ZC3H18: variants seen among roughly 807,000 people sequenced by gnomAD.
ZC3H18 encodes the protein zinc finger CCCH-type containing 18.
Under a neutral mutation model 106.1 loss-of-function variants are expected in ZC3H18, and 8 were observed. That is an observed-to-expected ratio of 0.08 (90% CI 0.04 to 0.14). ZC3H18 has a LOEUF of 0.14. ZC3H18 is among the 10% of genes least tolerant of loss of function. The pLI, the probability that ZC3H18 is intolerant of heterozygous loss-of-function variation, is 1.00. For synonymous variants in ZC3H18, 635 were observed against 522.1 expected, an observed-to-expected ratio of 1.22 and a Z score of -2.95; for missense variants, 1,318 against 1,278.4, an observed-to-expected ratio of 1.03 and a Z score of -0.47.
Position 88,625,222 on chromosome 16 carries a change from G to A in ZC3H18, c.2063G>A (p.Gly688Asp), listed in dbSNP as rs193188287. 7 of 1,591,114 alleles carry A rather than the reference G, an allele frequency of 4.4e-6. No homozygotes were observed. In the South Asian group the frequency reaches 4.6e-5, roughly 10 times the overall value. Residue 688 changes from glycine to aspartate, a missense_variant, in exon 13 of 18, where the codon GGC becomes GAC. Physicochemically the swap from Gly to Asp is moderately conservative, Grantham distance 94. This residue lies in a region of ZC3H18 where 848 missense variants were observed against 821.7 expected (regional missense o/e 1.03). Transcript: ENST00000301011. The part of the protein sequence containing the change: ...PPRRRTLSGS[G>D]SGSGSSYSGS... ...TACAGGCGGACGCTAAGCGGCAGCGGCAGTGGCAGTGGTAGCAGCTATAGT... is the reference window on the plus strand; with the variant it reads ...TACAGGCGGACGCTAAGCGGCAGCGACAGTGGCAGTGGTAGCAGCTATAGT...
chr16:88,622,503 T>C, intron 9 of ZC3H18, 115 bp downstream of exon 9: 1 of 1,200,178 alleles, frequency 8.3e-7, no homozygotes, highest in Non-Finnish European at 1.1e-6. Flanking sequence ...TGCTGTGGCG[T>C]CGTTACCTGC....
At chr16:88,628,892 C>CCGAGGGAT in intron 16 of ZC3H18, 38 bp downstream of exon 16, 1 of 1,610,552 alleles carries the variant, frequency 6.2e-7, no homozygotes, top group Non-Finnish European at 8.5e-7. Flanking sequence ...GGCAGAGGGA[C>CCGAGGGAT]GGGAGCCTGG....
intron 1 of ZC3H18, chr16:88,571,587 A>G (rs1049715086): frequency 5.3e-5 from 52 of 984,968 alleles, no homozygotes; most frequent in Admixed American, 6.2e-5. Context: ...ATGTGTCCCA[A>G]AGCCGGAAAC....
At chr16:88,602,091 G>A (rs1254147663) in intron 6 of ZC3H18, among the ~76,000 whole-genome samples, 1 of 152,224 alleles carries the variant, frequency 6.6e-6, no homozygotes, top group Admixed American at 6.5e-5. Flanking sequence ...CAGATGTCCT[G>A]GTGCGTGCTG....
In ZC3H18 at chr16:88,598,893, C is replaced by G. The variant is rs144123766; in HGVS notation, c.930+181C>G. ...ATTTTTTTGGAGACAGAGTTTCACT[C>G]TTGTTGCCCAGGCTGGAGTGCAATG... On this transcript the variant is annotated intron_variant, in intron 5 of 17. Coordinates refer to ENST00000301011, the MANE Select transcript of ZC3H18 (RefSeq NM_144604.4). 7.8e-4 allele frequency among the ~76,000 whole-genome samples: 119 copies of G among 152,260 alleles called. 1 individual carries two copies. In the East Asian group the frequency reaches 0.022, roughly 28 times the overall value.
At chr16:88,573,054 G>C (rs1914512170) in intron 1 of ZC3H18, among the ~76,000 whole-genome samples, 1 of 152,084 alleles carries the variant, frequency 6.6e-6, no homozygotes, top group South Asian at 2.1e-4. Context: ...ACCACACCCA[G>C]CCAATTGTGT....
intron 3 of ZC3H18, among the ~76,000 whole-genome samples, chr16:88,595,355 C>G (rs1004620885): frequency 1.6e-4 from 24 of 152,246 alleles, no homozygotes; most frequent in African/African-American, 5.8e-4. Flanking sequence ...ACACAGTATC[C>G]GCAGAACTAT....
chr16:88,597,422 A>T (rs1370425814), intron 3 of ZC3H18, among the ~76,000 whole-genome samples: 1 of 152,240 alleles, frequency 6.6e-6, no homozygotes, highest in Non-Finnish European at 1.5e-5. Context: ...AAAAATTTTT[A>T]AACCGCTTAG....
intron 12 of ZC3H18, 142 bp downstream of exon 12, chr16:88,624,887 C>T: frequency 1.6e-6 from 2 of 1,288,474 alleles, no homozygotes; most frequent in East Asian, 2.5e-5. Context: ...ACCCAGTGAG[C>T]CCTTACCCGG....
intron 1 of ZC3H18, among the ~76,000 whole-genome samples, chr16:88,573,728 A>T (rs1324001078): frequency 6.6e-6 from 1 of 151,950 alleles, no homozygotes; most frequent in Admixed American, 6.6e-5. Flanking sequence ...TGACTTTTTA[A>T]TAATTCCTCC....
chr16:88,591,192 G>A (rs1050069759), intron 3 of ZC3H18, among the ~76,000 whole-genome samples: 14 of 151,718 alleles, frequency 9.2e-5, no homozygotes, highest in African/African-American at 3.1e-4. Context: ...GGATGGTCCC[G>A]ATCTCCTGAC....
chr16:88,625,347 G>T, intron 13 of ZC3H18, 80 bp downstream of exon 13: 1 of 1,526,292 alleles, frequency 6.6e-7, no homozygotes, highest in Non-Finnish European at 8.9e-7. Context: ...GTGTGGGTTG[G>T]GCTGTCTCCC....
At chr16:88,595,042 T>G (rs1044444926) in intron 3 of ZC3H18, among the ~76,000 whole-genome samples, 4 of 152,064 alleles carry the variant, frequency 2.6e-5, no homozygotes, top group African/African-American at 9.7e-5. Context: ...TTCCAGCTAC[T>G]CGGGAGGCTG....
chr16:88,612,974 G>T (rs1226402167), intron 8 of ZC3H18, among the ~76,000 whole-genome samples: 1 of 152,174 alleles, frequency 6.6e-6, no homozygotes, highest in African/African-American at 2.4e-5. Flanking sequence ...CTGCACTCTA[G>T]CCTGGGTAAT....
intron 2 of ZC3H18, among the ~76,000 whole-genome samples, chr16:88,581,339 C>G (rs1196099315): frequency 6.6e-6 from 1 of 152,146 alleles, no homozygotes; most frequent in African/African-American, 2.4e-5. Flanking sequence ...GGGCACATGT[C>G]CCTTTTAGAT....
intron 3 of ZC3H18, 82 bp from the exon 4 acceptor site, chr16:88,598,096 C>T: frequency 2.9e-6 from 1 of 342,692 alleles, no homozygotes; most frequent in Non-Finnish European, 5.5e-6. Flanking sequence ...GCCTCTGCCC[C>T]CTCCCACCCC....
intron 3 of ZC3H18, among the ~76,000 whole-genome samples, chr16:88,589,784 T>G (rs1407082882): frequency 6.6e-6 from 1 of 152,168 alleles, no homozygotes; most frequent in African/African-American, 2.4e-5. Flanking sequence ...AGTAGATTGA[T>G]TCCTCGTTGC....
At position 88,577,582 on chromosome 16, in the gene ZC3H18, GGAT is replaced by G. The variant is rs977302869; in HGVS notation, c.465_467del (p.Asp155del). The G allele has an allele frequency of 1.9e-6, 3 of 1,613,688 alleles. No homozygotes were observed. Among genetic ancestry groups the G allele is most frequent in the East Asian group, 2.2e-5 (1 of 44,872 alleles). Reference sequence around the variant, plus strand: ...ACGAGGCTGAGAAAGCGGGGGCTGAGGATGATGAGGAGAAAGGCGAAGGCACTC... The same window carrying G: ...ACGAGGCTGAGAAAGCGGGGGCTGAGGATGAGGAGAAAGGCGAAGGCACTC... On this transcript the variant is annotated inframe_deletion, in exon 2 of 18. Transcript: ENST00000301011.
At chr16:88,630,722 G>C in intron 17 of ZC3H18, 141 bp downstream of exon 17, 1 of 662,456 alleles carries the variant, frequency 1.5e-6, no homozygotes. Flanking sequence ...GACGGGGTGA[G>C]GGGCATGGAC....
Sources: gnomAD v4.1 joint callset for allele counts (sites outside exome capture counted in the v4.1 genomes callset) on GRCh38, gnomAD v4.1.1 for gene constraint, gnomAD v4.1.1 regional missense constraint, MANE v1.5 for transcripts, NCBI Gene and HGNC (gene_info 2026-07-23, HGNC 2026-07-21) for gene names.